ARSJ: variants seen among roughly 807,000 people sequenced by gnomAD.
ARSJ encodes arylsulfatase J.
ARSJ carries 26 observed loss-of-function variants against 35.9 expected under a neutral mutation model. The ratio of observed to expected loss-of-function variants is 0.72; its 90% CI spans 0.53 to 1.00. The LOEUF (loss-of-function observed/expected upper bound fraction) is 1.00. ARSJ is among the 50% of genes least tolerant of loss of function. ARSJ has a pLI of 0.00. For missense variants in ARSJ, 667 were observed against 723.6 expected, an observed-to-expected ratio of 0.92 and a Z score of 0.90; for synonymous variants, 294 against 267.6, an observed-to-expected ratio of 1.10 and a Z score of -0.96.
At chr4:113,972,848 C>T (rs990422683) in intron 1 of ARSJ, among the ~76,000 whole-genome samples, 2 of 152,182 alleles carry the variant, frequency 1.3e-5, no homozygotes, top group Admixed American at 1.3e-4. Flanking sequence ...TTACTCACAT[C>T]CCAATATTCA....
At chr4:113,912,963 A>T (rs562036778) in intron 1 of ARSJ, among the ~76,000 whole-genome samples, 9 of 152,182 alleles carry the variant, frequency 5.9e-5, no homozygotes, top group Non-Finnish European at 1.3e-4. Context: ...AAGGCAACTA[A>T]TTAATTTGAA....
At chr4:113,952,888 C>A (rs1725950966) in intron 1 of ARSJ, among the ~76,000 whole-genome samples, 1 of 151,976 alleles carries the variant, frequency 6.6e-6, no homozygotes. Flanking sequence ...GATATCAATG[C>A]CAGAAAATGA....
intron 1 of ARSJ, 31 bp from the exon 2 acceptor site, chr4:113,903,706 G>A (rs757538008): frequency 1.9e-6 from 3 of 1,562,990 alleles, no homozygotes; most frequent in Non-Finnish European, 2.6e-6. Context: ...TTGTTATCAG[G>A]GCAGGATAAA....
intron 1 of ARSJ, among the ~76,000 whole-genome samples, chr4:113,924,971 G>T (rs13117288): frequency 0.18 from 27,075 of 151,972 alleles, 2,808 homozygotes; most frequent in Non-Finnish European, 0.23. Flanking sequence ...ATTCCTGAAG[G>T]GTCTGGAACA....
intron 1 of ARSJ, among the ~76,000 whole-genome samples, chr4:113,973,829 A>G (rs1279015323): frequency 6.6e-6 from 1 of 152,184 alleles, no homozygotes; most frequent in Non-Finnish European, 1.5e-5. Flanking sequence ...GAACTGGTAA[A>G]AAATATCCAA....
chr4:113,970,316 T>C (rs1562377919), intron 1 of ARSJ, among the ~76,000 whole-genome samples: 1 of 152,154 alleles, frequency 6.6e-6, no homozygotes, highest in Non-Finnish European at 1.5e-5. Flanking sequence ...GAAAAATAAT[T>C]AAGTCACATA....
intron 1 of ARSJ, among the ~76,000 whole-genome samples, chr4:113,944,817 A>G (rs1725372342): frequency 1.3e-5 from 2 of 152,104 alleles, no homozygotes; most frequent in South Asian, 2.1e-4. Context: ...TCCTAACATT[A>G]TATTTTGTTG....
intron 1 of ARSJ, among the ~76,000 whole-genome samples, chr4:113,921,232 C>G (rs1329646627): frequency 6.6e-6 from 1 of 151,954 alleles, no homozygotes; most frequent in African/African-American, 2.4e-5. Context: ...AGAAAAGAAT[C>G]TTGCTGACAT....
At chr4:113,908,745 A>G (rs1455032417) in intron 1 of ARSJ, among the ~76,000 whole-genome samples, 1 of 152,206 alleles carries the variant, frequency 6.6e-6, no homozygotes, top group African/African-American at 2.4e-5. Context: ...TAATTTAGGA[A>G]CATTATAAAA....
At chr4:113,904,561 T>C (rs1348845394) in intron 1 of ARSJ, among the ~76,000 whole-genome samples, 1 of 152,228 alleles carries the variant, frequency 6.6e-6, no homozygotes, top group African/African-American at 2.4e-5. Flanking sequence ...CTAGGCTCAC[T>C]GCAAGCTCCG....
chr4:113,926,901 T>A (rs1425786190), intron 1 of ARSJ, among the ~76,000 whole-genome samples: 2 of 152,154 alleles, frequency 1.3e-5, no homozygotes, highest in Non-Finnish European at 2.9e-5. Context: ...AGGCCTCTGC[T>A]GTGATTCACT....
At chr4:113,957,841 A>C (rs915057087) in intron 1 of ARSJ, among the ~76,000 whole-genome samples, 6 of 152,084 alleles carry the variant, frequency 3.9e-5, no homozygotes, top group African/African-American at 1.4e-4. Context: ...GCAGTCTAAA[A>C]ATTTTTATCA....
chr4:113,933,355 G>A (rs1724574170), intron 1 of ARSJ, among the ~76,000 whole-genome samples: 1 of 151,758 alleles, frequency 6.6e-6, no homozygotes, highest in Non-Finnish European at 1.5e-5. Flanking sequence ...ATGCTACCAG[G>A]CCAGTGTTGC....
chr4:113,908,596 G>T (rs1159865295), intron 1 of ARSJ, among the ~76,000 whole-genome samples: 1 of 151,796 alleles, frequency 6.6e-6, no homozygotes, highest in African/African-American at 2.4e-5. Context: ...CTATATAAAG[G>T]CAGTGTGCAA....
Position 113,902,104 on chromosome 4 carries a change from C to G in ARSJ, c.*170G>C, listed in dbSNP as rs2099667265. ...AGTAGCACCTTGGCACTGAGCAGGA[C>G]AGTTTTCAGTGTGGCGGCCAGGTGG... On this transcript the variant is annotated 3_prime_UTR_variant, in exon 2 of 2. Coordinates refer to ENST00000315366, the MANE Select transcript of ARSJ (RefSeq NM_024590.4). The G allele has an allele frequency of 1.9e-6, 3 of 1,584,924 alleles. No individual in the cohort carries two copies. Among genetic ancestry groups the G allele is most frequent in the Non-Finnish European group, 2.6e-6 (3 of 1,172,754 alleles).
In ARSJ at chr4:113,901,258, A is replaced by G. The variant is rs749907782; in HGVS notation, c.*1016T>C. 1 of 152,196 alleles carries G rather than the reference A, an allele frequency of 6.6e-6. No homozygotes were observed. Among genetic ancestry groups the G allele is most frequent in the Non-Finnish European group, 1.5e-5 (1 of 68,028 alleles). The allele number at this position is 152,196 out of a possible 1,614,324, so 9.4% of individuals were successfully genotyped here. On this transcript the variant is annotated 3_prime_UTR_variant, in exon 2 of 2. Transcript: ENST00000315366. ...TGATAGAAACAATAAAGTTGTCTCA[A>G]CTCTGCACAAACATTGAATTTCCAA...
intron 1 of ARSJ, among the ~76,000 whole-genome samples, chr4:113,973,958 A>G (rs1727436365): frequency 6.6e-6 from 1 of 152,158 alleles, no homozygotes; most frequent in Non-Finnish European, 1.5e-5. Flanking sequence ...AAACAATGAG[A>G]ATTGGAATGG....
chr4:113,954,032 C>T (rs1269187760), intron 1 of ARSJ, among the ~76,000 whole-genome samples: 1 of 151,940 alleles, frequency 6.6e-6, no homozygotes, highest in Non-Finnish European at 1.5e-5. Flanking sequence ...TTTTCCTGTT[C>T]TGGGTTTCTA....
intron 1 of ARSJ, among the ~76,000 whole-genome samples, chr4:113,959,696 G>GT (rs1301283138): frequency 3.3e-5 from 5 of 151,968 alleles, no homozygotes; most frequent in African/African-American, 1.2e-4. Flanking sequence ...TATTAAACAT[G>GT]TTTTTTTCTT....
Sources: allele counts gnomAD v4.1 joint callset (sites outside exome capture counted in the v4.1 genomes callset), GRCh38; gene constraint gnomAD v4.1.1; transcripts MANE v1.5; gene names NCBI Gene and HGNC (gene_info 2026-07-23, HGNC 2026-07-21).